Variants in RAB15 observed in about 807,000 individuals in gnomAD.
RAB15 encodes the protein RAB15, member RAS oncogene family, also known as ras-related protein Rab-15.
In RAB15, 13 loss-of-function variants were observed where a neutral mutation model predicts 31.8. The observed-to-expected ratio is 0.41, with a 90% CI of 0.27 to 0.65. The LOEUF (loss-of-function observed/expected upper bound fraction) is 0.65, where lower values mean the gene tolerates loss of function less well. Among genes scored for constraint, RAB15 ranks in the 30% least tolerant of loss-of-function variants. The pLI is 0.32. For missense variants in RAB15, 220 were observed against 277.3 expected, an observed-to-expected ratio of 0.79 and a Z score of 1.47; for synonymous variants, 100 against 105.6, an observed-to-expected ratio of 0.95 and a Z score of 0.33.
rs1458443994 is a variant in RAB15, at chr14:64,952,497, C to A, written c.185+14G>T. The A allele has an allele frequency of 1.2e-6, 2 of 1,607,284 alleles. No homozygotes were observed. The highest frequency in any genetic ancestry group is 1.1e-5 in the South Asian group (1 of 90,888). ...TCTTCTCCTACATCTGCCTCCTCCT[C>A]CTCCCCAGCTCACCAGATCTGTATC... On this transcript the variant is annotated intron_variant, in intron 2 of 6. Transcript: ENST00000533601. The surrounding 1 kb of genome is among the most constrained non-coding windows in gnomAD (Gnocchi z 4.2).
Position 64,950,361 on chromosome 14 carries a change from C to A in RAB15, c.378G>T (p.Glu126Asp), listed in dbSNP as rs777766940. The stretch of plus-strand genomic sequence containing the variant: ...GCTCTCTTCCCACCTGCCGTTTCTG[C>A]TCCTCATCAGCCTTATTCCCAATAA... ...KILIGNKADE[E>D]QKRQVGREQG... is the part of the protein sequence containing the mutation. The change falls in exon 5 of 7, where the codon GAG becomes GAT. Residue 126 changes from glutamate to aspartate, a missense_variant. Physicochemically the swap from Glu to Asp is conservative, Grantham distance 45. Coordinates refer to ENST00000533601, the MANE Select transcript of RAB15 (RefSeq NM_001308154.2). The surrounding 1 kb of genome is among the most constrained non-coding windows in gnomAD (Gnocchi z 5.6). The A allele has an allele frequency of 6.2e-7, 1 of 1,614,186 alleles. No individual in the cohort carries two copies. The highest frequency in any genetic ancestry group is 8.5e-7 in the Non-Finnish European group (1 of 1,180,008).
chr14:64,949,171 C>T (rs1886089419), intron 5 of RAB15, among the ~76,000 whole-genome samples: 1 of 152,192 alleles, frequency 6.6e-6, no homozygotes, highest in Non-Finnish European at 1.5e-5. Flanking sequence ...GAGTGTGTCT[C>T]CCATCCATGG....
intron 1 of RAB15, among the ~76,000 whole-genome samples, chr14:64,964,527 AAAAG>A (rs1231078027): frequency 1.6e-4 from 24 of 146,886 alleles, no homozygotes; most frequent in Non-Finnish European, 2.4e-4. Flanking sequence ...TCAAAAAAAA[AAAAG>A]AAAAAAAGAA....
intron 1 of RAB15, among the ~76,000 whole-genome samples, chr14:64,969,224 G>A (rs899710403): frequency 1.2e-4 from 19 of 152,202 alleles, no homozygotes; most frequent in African/African-American, 4.6e-4. Flanking sequence ...TCTCAGTGCA[G>A]AGCCTGGCAT....
Position 64,970,453 on chromosome 14 carries a change from T to C in RAB15, c.124+1500A>G, listed in dbSNP as rs1216853270. ...CATGGCTCAGCCCAAGCTCCTGGGT[T>C]TCCTAAGAGTTGGCCTTACAGCTCC... On this transcript the variant is annotated intron_variant, in intron 1 of 6. Coordinates refer to ENST00000533601, the MANE Select transcript of RAB15 (RefSeq NM_001308154.2). This position sits in a 1 kb window ranked among gnomAD's most constrained non-coding sequence, Gnocchi z 4.1. 6.6e-6 allele frequency among the ~76,000 whole-genome samples: 1 copy of C among 152,178 alleles called. No individual in the cohort carries two copies. The highest frequency in any genetic ancestry group is 1.5e-5 in the Non-Finnish European group (1 of 68,040).
In RAB15 at chr14:64,964,526, AAAAAG is replaced by A. The variant is rs1311735228; in HGVS notation, c.124+7422_124+7426del. On this transcript the variant is annotated intron_variant, in intron 1 of 6. Coordinates refer to ENST00000533601, the MANE Select transcript of RAB15 (RefSeq NM_001308154.2). ...AGAGCAAGACTCTGTTTCAAAAAAA[AAAAAG>A]AAAAAAAGAAAAAAGAAAGAAAAGA... 4.6e-3 allele frequency among the ~76,000 whole-genome samples: 686 copies of A among 148,092 alleles called. 6 individuals are homozygous for A. The highest frequency in any genetic ancestry group is 0.016 in the African/African-American group (632 of 39,412).
At chr14:64,965,836 G>A (rs1016377438) in intron 1 of RAB15, among the ~76,000 whole-genome samples, 1 of 152,156 alleles carries the variant, frequency 6.6e-6, no homozygotes, top group Non-Finnish European at 1.5e-5. Flanking sequence ...CCAGCTGTGG[G>A]TGCATCTGCG....
At chr14:64,969,667 T>G (rs1276155704) in intron 1 of RAB15, among the ~76,000 whole-genome samples, 1 of 152,154 alleles carries the variant, frequency 6.6e-6, no homozygotes, top group African/African-American at 2.4e-5. Context: ...GGGAGCCATC[T>G]TTAGGTTTTA....
At chr14:64,967,677 C>T (rs1887210479) in intron 1 of RAB15, among the ~76,000 whole-genome samples, 1 of 152,162 alleles carries the variant, frequency 6.6e-6, no homozygotes, top group South Asian at 2.1e-4. Flanking sequence ...TCACTCCTGG[C>T]CACCATGCAG....
Position 64,962,351 on chromosome 14 carries a change from A to G in RAB15, c.124+9602T>C, listed in dbSNP as rs1304228078. Among the ~76,000 whole-genome samples, 2 of 152,238 alleles carry G rather than the reference A, an allele frequency of 1.3e-5. No individual in the cohort carries two copies. The highest frequency in any genetic ancestry group is 4.8e-5 in the African/African-American group (2 of 41,462). ...CTTCATTTGTTAATTCATTCATTCA[A>G]ACTGTTATTGAATGCTTACAATGTG... On this transcript the variant is annotated intron_variant, in intron 1 of 6. Coordinates refer to ENST00000533601, the MANE Select transcript of RAB15 (RefSeq NM_001308154.2). The surrounding 1 kb of genome is among the most constrained non-coding windows in gnomAD (Gnocchi z 4.2).
chr14:64,959,925 G>A (rs1886763955), intron 1 of RAB15, among the ~76,000 whole-genome samples: 1 of 151,472 alleles, frequency 6.6e-6, no homozygotes, highest in African/African-American at 2.4e-5. Context: ...AAGAAGGGCT[G>A]CATGCCTGAG....
intron 1 of RAB15, among the ~76,000 whole-genome samples, chr14:64,960,033 A>G (rs931301498): frequency 3.9e-5 from 6 of 152,124 alleles, no homozygotes; most frequent in African/African-American, 1.4e-4. Context: ...CCATGGCCTG[A>G]GGCAGCAGCC....
intron 5 of RAB15, among the ~76,000 whole-genome samples, chr14:64,949,393 A>G (rs1886104930): frequency 6.6e-6 from 1 of 152,234 alleles, no homozygotes; most frequent in African/African-American, 2.4e-5. Flanking sequence ...AAAACTCTTG[A>G]GGTCCACGGA....
Position 64,948,813 on chromosome 14 carries a change from C to T in RAB15, c.415-80G>A, listed in dbSNP as rs969052293. The T allele has an allele frequency of 3.3e-6, 4 of 1,217,792 alleles. No individual in the cohort carries two copies. In the African/African-American group the frequency reaches 4.5e-5, roughly 14 times the overall value. The allele number at this position is 1,217,792 out of a possible 1,614,324, so 75.4% of individuals were successfully genotyped here. On this transcript the variant is annotated intron_variant, in intron 5 of 6. Coordinates refer to ENST00000533601, the MANE Select transcript of RAB15 (RefSeq NM_001308154.2). This position sits in a 1 kb window ranked among gnomAD's most constrained non-coding sequence, Gnocchi z 7.0. Reference sequence around the variant, plus strand: ...TACAACCAGGCACAGGCTTCTGCCACTGCACTCACAACCATGCTGTGTTGT... The same window carrying T: ...TACAACCAGGCACAGGCTTCTGCCATTGCACTCACAACCATGCTGTGTTGT...
At chr14:64,957,586 T>C (rs1339356875) in intron 1 of RAB15, among the ~76,000 whole-genome samples, 6 of 152,220 alleles carry the variant, frequency 3.9e-5, no homozygotes, top group Non-Finnish European at 8.8e-5. Context: ...AGTGCTTGTC[T>C]TTACAGCATA....
At position 64,950,515 on chromosome 14, in the gene RAB15, G is replaced by A; in HGVS notation, c.325-101C>T. 7 of 1,008,544 alleles carry A rather than the reference G, an allele frequency of 6.9e-6. No homozygotes were observed. In the South Asian group the frequency reaches 7.7e-5, roughly 11 times the overall value. The allele number at this position is 1,008,544 out of a possible 1,614,324, so 62.5% of individuals were successfully genotyped here. ...CCTCCAGCCCACCACCAATTCCAGA[G>A]CCCTAGGGACAGGGTGGGCCGACTG... On this transcript the variant is annotated intron_variant, in intron 4 of 6. Transcript: ENST00000533601. This position sits in a 1 kb window ranked among gnomAD's most constrained non-coding sequence, Gnocchi z 5.6.
Position 64,948,502 on chromosome 14 carries a change from CG to C in RAB15, c.490del (p.Arg164ValfsTer2). 1 of 1,606,836 alleles carries C rather than the reference CG, an allele frequency of 6.2e-7. No individual in the cohort carries two copies. Among genetic ancestry groups the C allele is most frequent in the East Asian group, 2.2e-5 (1 of 44,812 alleles). On this transcript the variant is annotated frameshift_variant, in exon 7 of 7. Transcript: ENST00000533601. LOFTEE classifies it high-confidence loss of function. The surrounding 1 kb of genome is among the most constrained non-coding windows in gnomAD (Gnocchi z 7.0). ...TNLNIKESFT[R>X]LTELVLQAHR... is the part of the protein sequence containing the mutation. ...GGCCTGCAGCACCAGCTCTGTCAGACGCGTGAATGACTGGAAACCAAAGGGC... is the reference window on the plus strand; with the variant it reads ...GGCCTGCAGCACCAGCTCTGTCAGACCGTGAATGACTGGAAACCAAAGGGC...
chr14:64,960,481 G>T (rs577867942), intron 1 of RAB15, among the ~76,000 whole-genome samples: 69 of 152,290 alleles, frequency 4.5e-4, no homozygotes, highest in Non-Finnish European at 8.8e-4. Context: ...GGTCAAGTTT[G>T]GTTCCAACCC....
chr14:64,949,723 A>G (rs1483551375), intron 5 of RAB15, among the ~76,000 whole-genome samples: 9 of 71,576 alleles, frequency 1.3e-4, no homozygotes, highest in African/African-American at 4.6e-4. Context: ...ACTCCATCTC[A>G]AAAAAAAAAA....
Sources: allele counts gnomAD v4.1 joint callset (sites outside exome capture counted in the v4.1 genomes callset), GRCh38; gene constraint gnomAD v4.1.1; non-coding constraint Gnocchi (gnomAD v3.1); transcripts MANE v1.5; gene names NCBI Gene and HGNC (gene_info 2026-07-23, HGNC 2026-07-21).